Variants in NR6A1 observed in about 807,000 individuals in gnomAD.
NR6A1 encodes the protein nuclear receptor subfamily 6 group A member 1, also known as retinoic acid receptor-related testis-associated receptor.
A neutral mutation model predicts 59.1 loss-of-function variants in NR6A1; 7 were observed. That is an observed-to-expected ratio of 0.12 (90% CI 0.07 to 0.22). The LOEUF is 0.22. Among genes scored for constraint, NR6A1 ranks in the 10% least tolerant of loss-of-function variants. The pLI, the probability that NR6A1 is intolerant of heterozygous loss-of-function variation, is 1.00. For missense variants in NR6A1, 468 were observed against 611.6 expected, an observed-to-expected ratio of 0.77 and a Z score of 2.48; for synonymous variants, 243 against 236.1, an observed-to-expected ratio of 1.03 and a Z score of -0.27.
At chr9:124,770,914 G>T in intron 1 of NR6A1, 106 bp downstream of exon 1, 1 of 627,416 alleles carries the variant, frequency 1.6e-6, no homozygotes, top group Non-Finnish European at 2.3e-6. Context: ...CCGCGGGGCC[G>T]CTGCGGCTTC....
chr9:124,563,906 T>A (rs1374634202), intron 2 of NR6A1, among the ~76,000 whole-genome samples: 1 of 151,898 alleles, frequency 6.6e-6, no homozygotes, highest in Non-Finnish European at 1.5e-5. Flanking sequence ...CAAGACCCCA[T>A]CCCTACGAAA....
At chr9:124,764,770 C>A (rs144963952) in intron 1 of NR6A1, among the ~76,000 whole-genome samples, 2 of 152,310 alleles carry the variant, frequency 1.3e-5, no homozygotes, top group East Asian at 3.9e-4. Context: ...AAAATAATTT[C>A]TCACTTGGGC....
chr9:124,585,239 T>C (rs1463994649), intron 2 of NR6A1, among the ~76,000 whole-genome samples: 1 of 152,102 alleles, frequency 6.6e-6, no homozygotes, highest in African/African-American at 2.4e-5. Context: ...GCTGTCTCCA[T>C]TACTTAAAAG....
chr9:124,581,678 T>C (rs1271375346), intron 2 of NR6A1, among the ~76,000 whole-genome samples: 1 of 152,104 alleles, frequency 6.6e-6, no homozygotes, highest in Admixed American at 6.6e-5. Context: ...AATCTATCCA[T>C]CTGACAAAGG....
intron 2 of NR6A1, among the ~76,000 whole-genome samples, chr9:124,596,160 C>T (rs1835264445): frequency 6.6e-6 from 1 of 152,072 alleles, no homozygotes; most frequent in South Asian, 2.1e-4. Context: ...TAAAAGGGTT[C>T]TGGTATGTGG....
chr9:124,733,440 T>C, intron 1 of NR6A1, 91 bp from the exon 2 acceptor site: 2 of 986,788 alleles, frequency 2.0e-6, no homozygotes. Context: ...TGGGGGGAAA[T>C]CTATACTCAG....
intron 2 of NR6A1, among the ~76,000 whole-genome samples, chr9:124,650,825 T>C (rs1170355334): frequency 6.6e-6 from 1 of 152,230 alleles, no homozygotes; most frequent in Non-Finnish European, 1.5e-5. Context: ...GAAGAAATTA[T>C]ACCAATTCTC....
rs1288547602 is a variant in NR6A1, at chr9:124,519,950, CT to C, written c.*2754del. The C allele has an allele frequency of 7.0e-6, 1 of 143,750 alleles. No individual in the cohort carries two copies. Among genetic ancestry groups the C allele is most frequent in the Non-Finnish European group, 1.5e-5 (1 of 66,700 alleles). The allele number at this position is 143,750 out of a possible 1,614,324, so 8.9% of individuals were successfully genotyped here. A position where few individuals can be genotyped will look rare whatever the true frequency, so the allele number is the denominator to read the frequency against. On this transcript the variant is annotated 3_prime_UTR_variant, in exon 10 of 10. Transcript: ENST00000487099. ...AAAAAATCCTCACTCAAAGTGAGTG[CT>C]TTTGGTGGTTGGGGATCAGAGAGAG...
chr9:124,642,085 G>A (rs1016294069), intron 2 of NR6A1, among the ~76,000 whole-genome samples: 3 of 151,742 alleles, frequency 2.0e-5, no homozygotes, highest in Non-Finnish European at 2.9e-5. Flanking sequence ...GTCTTGCTCT[G>A]TCACCTAGGC....
intron 2 of NR6A1, among the ~76,000 whole-genome samples, chr9:124,588,949 C>T (rs978795662): frequency 3.6e-5 from 5 of 139,996 alleles, no homozygotes; most frequent in Non-Finnish European, 7.8e-5. Flanking sequence ...AAAAAAAAAA[C>T]AGTATAATGT....
chr9:124,672,570 A>T (rs539858403), intron 2 of NR6A1, among the ~76,000 whole-genome samples: 2 of 152,094 alleles, frequency 1.3e-5, no homozygotes, highest in South Asian at 4.2e-4. Context: ...AGCCGAGATC[A>T]TGCCACTGCA....
At chr9:124,623,743 T>C (rs576731454) in intron 2 of NR6A1, among the ~76,000 whole-genome samples, 1 of 152,306 alleles carries the variant, frequency 6.6e-6, no homozygotes, top group South Asian at 2.1e-4. Context: ...CTGTTTTAGC[T>C]GTTCTAGCCC....
At chr9:124,541,277 A>G (rs1171696698) in intron 4 of NR6A1, among the ~76,000 whole-genome samples, 1 of 152,192 alleles carries the variant, frequency 6.6e-6, no homozygotes, top group Non-Finnish European at 1.5e-5. Context: ...ATAACTCAGG[A>G]ACAGAAAAAA....
chr9:124,571,750 G>C (rs1834442473), intron 2 of NR6A1, among the ~76,000 whole-genome samples: 1 of 152,116 alleles, frequency 6.6e-6, no homozygotes, highest in Non-Finnish European at 1.5e-5. Context: ...ATGCTTCATG[G>C]CTTCAGAGGG....
intron 2 of NR6A1, among the ~76,000 whole-genome samples, chr9:124,636,296 G>C (rs965350729): frequency 6.6e-6 from 1 of 151,984 alleles, no homozygotes; most frequent in African/African-American, 2.4e-5. Context: ...AGGTTCTTTA[G>C]ACATTTTAAG....
At chr9:124,546,875 A>G (rs1441329091) in intron 3 of NR6A1, among the ~76,000 whole-genome samples, 1 of 152,214 alleles carries the variant, frequency 6.6e-6, no homozygotes, top group African/African-American at 2.4e-5. Flanking sequence ...AAGGTGTATT[A>G]TTCTCCCACG....
chr9:124,628,939 C>T (rs574306615), intron 2 of NR6A1, among the ~76,000 whole-genome samples: 18 of 152,330 alleles, frequency 1.2e-4, no homozygotes, highest in Non-Finnish European at 1.6e-4. Flanking sequence ...GGATTACAGG[C>T]GCGAGCCACC....
intron 2 of NR6A1, among the ~76,000 whole-genome samples, chr9:124,579,065 T>C (rs1834687436): frequency 6.6e-6 from 1 of 152,220 alleles, no homozygotes; most frequent in African/African-American, 2.4e-5. Context: ...GTGGATTGCT[T>C]GAGCCCAGGA....
chr9:124,675,390 G>A (rs996903422), intron 2 of NR6A1, among the ~76,000 whole-genome samples: 3 of 152,202 alleles, frequency 2.0e-5, no homozygotes, highest in Admixed American at 6.5e-5. Flanking sequence ...CACATTGCCT[G>A]GCACACACAG....
Sources: allele counts gnomAD v4.1 joint callset (sites outside exome capture counted in the v4.1 genomes callset), GRCh38; gene constraint gnomAD v4.1.1; transcripts MANE v1.5; gene names NCBI Gene and HGNC (gene_info 2026-07-23, HGNC 2026-07-21).